Variants in XKR9 observed in about 807,000 individuals in gnomAD.
XKR9 encodes XK related 9, also known as XK-related protein 9.
Under a neutral mutation model 32.0 loss-of-function variants are expected in XKR9, and 32 were observed. The ratio of observed to expected loss-of-function variants is 1.00; its 90% CI spans 0.76 to 1.34. XKR9 has a LOEUF of 1.34. Among genes scored for constraint, XKR9 ranks in the 40% most tolerant of loss-of-function variants. The probability of loss-of-function intolerance (pLI) is 0.00; values close to 1 mark genes in which losing one functional copy is unlikely to be tolerated. For synonymous variants in XKR9, 168 were observed against 143.4 expected, an observed-to-expected ratio of 1.17 and a Z score of -1.22; for missense variants, 546 against 429.7, an observed-to-expected ratio of 1.27 and a Z score of -2.39.
intron 2 of XKR9, among the ~76,000 whole-genome samples, chr8:70,746,499 A>G (rs537205000): frequency 6.7e-6 from 1 of 149,700 alleles, no homozygotes; most frequent in African/African-American, 2.4e-5. Flanking sequence ...CATGGAATAT[A>G]AAGATCACAG....
At chr8:70,847,607 C>T in the XKR9 span, among the ~76,000 whole-genome samples, 1 of 150,868 alleles carries the variant, frequency 6.6e-6, no homozygotes, top group Admixed American at 6.6e-5. Flanking sequence ...GAGAAAAGAC[C>T]CAAATAAACA....
chr8:70,985,425 G>A, the XKR9 span, among the ~76,000 whole-genome samples: 1 of 152,164 alleles, frequency 6.6e-6, no homozygotes. Context: ...GGGCATTTGG[G>A]TTGGTTCCAA....
At chr8:70,874,991 C>T in the XKR9 span, among the ~76,000 whole-genome samples, 1 of 152,136 alleles carries the variant, frequency 6.6e-6, no homozygotes, top group Admixed American at 6.5e-5. Context: ...TAGTGTCAGT[C>T]TTACCCAAAC....
the XKR9 span, among the ~76,000 whole-genome samples, chr8:70,842,349 C>T: frequency 6.6e-6 from 1 of 152,198 alleles, no homozygotes; most frequent in Admixed American, 6.6e-5. Flanking sequence ...GGCTAATCTT[C>T]TACTTTCCTT....
Position 70,780,729 on chromosome 8 carries a change from G to C in XKR9, n.353-8610G>C, listed in dbSNP as rs1042099615. Among the ~76,000 whole-genome samples, 18 of 152,162 alleles carry C rather than the reference G, an allele frequency of 1.2e-4. No individual in the cohort carries two copies. The East Asian group carries it at 3.5e-3, about 29-fold the overall frequency. The stretch of plus-strand genomic sequence containing the variant: ...ATCTAATTTTTGGCAATTTATTATG[G>C]AAGTCCCAGAAAACTAATATACTTG... On this transcript the variant is annotated intron_variant and non_coding_transcript_variant, in intron 2 of 3. Coordinates refer to the XKR9 transcript ENST00000520273.
intron 2 of XKR9, among the ~76,000 whole-genome samples, chr8:70,776,947 C>CTCTCTCTCTCTCTCTCTATATATA: frequency 1.3e-3 from 70 of 54,196 alleles, no homozygotes; most frequent in Admixed American, 2.5e-3. Context: ...CTCTCTCTCT[C>CTCTCTCTCTCTCTCTCTATATATA]TATATATATA....
the XKR9 span, among the ~76,000 whole-genome samples, chr8:71,011,843 A>G: frequency 6.6e-6 from 1 of 152,224 alleles, no homozygotes; most frequent in African/African-American, 2.4e-5. Context: ...ACAATTTATC[A>G]GATAAAAGTC....
chr8:70,966,976 A>G, the XKR9 span, among the ~76,000 whole-genome samples: 1 of 148,916 alleles, frequency 6.7e-6, no homozygotes, highest in Non-Finnish European at 1.5e-5. Context: ...TTCTTGGTAA[A>G]TTTTCCTCCA....
intron 4 of XKR9, among the ~76,000 whole-genome samples, chr8:70,709,291 G>A (rs550060462): frequency 6.6e-6 from 1 of 151,974 alleles, no homozygotes; most frequent in South Asian, 2.1e-4. Context: ...AGGATGCCCG[G>A]GAATATACGT....
At chr8:70,965,233 A>G in the XKR9 span, among the ~76,000 whole-genome samples, 55 of 152,262 alleles carry the variant, frequency 3.6e-4, no homozygotes, top group African/African-American at 1.3e-3. Context: ...AGTTTTGTTT[A>G]TGTGATGAAT....
intron 3 of XKR9, among the ~76,000 whole-genome samples, chr8:70,685,746 A>C (rs1414169480): frequency 1.8e-5 from 1 of 56,878 alleles, no homozygotes; most frequent in Non-Finnish European, 3.1e-5. Context: ...GGGTGGGGGG[A>C]GGGGGGAGGG....
chr8:70,963,913 T>C, the XKR9 span, among the ~76,000 whole-genome samples: 121 of 152,352 alleles, frequency 7.9e-4, 2 homozygotes, highest in Middle Eastern at 3.4e-3. Context: ...TCCCATTTTG[T>C]AGGTTGTTTA....
At chr8:71,033,234 C>G in the XKR9 span, among the ~76,000 whole-genome samples, 1 of 152,154 alleles carries the variant, frequency 6.6e-6, no homozygotes, top group African/African-American at 2.4e-5. Flanking sequence ...CCCCCACTAC[C>G]AGTGTGATCA....
At chr8:70,773,552 G>A (rs1807481387) in intron 2 of XKR9, among the ~76,000 whole-genome samples, 1 of 152,166 alleles carries the variant, frequency 6.6e-6, no homozygotes, top group Admixed American at 6.5e-5. Context: ...GAAACACTTG[G>A]ATTAACTTTT....
At chr8:70,699,393 C>G (rs1265048547) in intron 3 of XKR9, among the ~76,000 whole-genome samples, 2 of 151,994 alleles carry the variant, frequency 1.3e-5, no homozygotes, top group Non-Finnish European at 2.9e-5. Context: ...GACAAAATCT[C>G]TCAGCATTTG....
the XKR9 span, among the ~76,000 whole-genome samples, chr8:71,051,504 T>C: frequency 1.4e-5 from 2 of 145,392 alleles, no homozygotes; most frequent in Non-Finnish European, 3.0e-5. Context: ...GGTTTGTTGT[T>C]GCTGGTGGCG....
chr8:71,033,255 A>G, the XKR9 span, among the ~76,000 whole-genome samples: 1 of 152,170 alleles, frequency 6.6e-6, no homozygotes, highest in African/African-American at 2.4e-5. Context: ...TGGACAAATG[A>G]TTTAATTTCT....
chr8:71,053,871 G>A, the XKR9 span, among the ~76,000 whole-genome samples: 3,249 of 152,262 alleles, frequency 0.021, 81 homozygotes, highest in East Asian at 0.1. Context: ...TCCTCTCTTA[G>A]AACACTAGCT....
chr8:70,733,658 C>T, intron 4 of XKR9, 138 bp from the exon 5 acceptor site: 1 of 857,286 alleles, frequency 1.2e-6, no homozygotes, highest in South Asian at 3.2e-5. Flanking sequence ...ATATCTACTT[C>T]AAAAGATTAG....
Sources: gnomAD v4.1 joint callset for allele counts (sites outside exome capture counted in the v4.1 genomes callset) on GRCh38, gnomAD v4.1.1 for gene constraint, MANE v1.5 for transcripts, NCBI Gene and HGNC (gene_info 2026-07-23, HGNC 2026-07-21) for gene names.